Variants in TRA2A observed in about 807,000 individuals in gnomAD.
TRA2A encodes transformer 2 alpha homolog.
In TRA2A, 31 loss-of-function variants were observed where a neutral mutation model predicts 45.7. That is an observed-to-expected ratio of 0.68 (90% CI 0.51 to 0.92). TRA2A has a LOEUF of 0.92. Among genes scored for constraint, TRA2A ranks in the 40% least tolerant of loss-of-function variants. The probability of loss-of-function intolerance (pLI) is 0.00; values close to 1 mark genes in which losing one functional copy is unlikely to be tolerated. For synonymous variants in TRA2A, 132 were observed against 126.2 expected (o/e 1.05, Z -0.31); for missense variants, 304 against 367.5 (o/e 0.83, Z 1.41).
chr7:23,509,440 T>A (rs1384001895), intron 4 of TRA2A, among the ~76,000 whole-genome samples: 1 of 152,108 alleles, frequency 6.6e-6, no homozygotes. Flanking sequence ...AAAAAGATTT[T>A]AAAAATCACT....
chr7:23,528,484 G>A (rs886687843), intron 1 of TRA2A, among the ~76,000 whole-genome samples: 6 of 152,266 alleles, frequency 3.9e-5, no homozygotes, highest in African/African-American at 1.2e-4. Flanking sequence ...GGGATTACAG[G>A]CGTGAGCCAC....
chr7:23,521,721 T>G lies in TRA2A; in HGVS notation c.156A>C (p.Ser52=). The G allele has an allele frequency of 6.2e-7, 1 of 1,614,150 alleles. No individual in the cohort carries two copies. Among genetic ancestry groups the G allele is most frequent in the South Asian group, 1.1e-5 (1 of 91,082 alleles). Residue 52 remains serine (S), a synonymous_variant, in exon 2 of 8, where the codon TCA becomes TCC. Transcript: ENST00000297071. ...VSKHSESHSR[S]RSKSRSRSRR... ...AACACACTTACCTGGATTTTGATCT[T>G]GATCGAGAATGGGATTCAGAGTGTT...
At chr7:23,512,230 G>C (rs1789655947) in intron 4 of TRA2A, among the ~76,000 whole-genome samples, 2 of 152,202 alleles carry the variant, frequency 1.3e-5, no homozygotes, top group Admixed American at 1.3e-4. Flanking sequence ...GGCCATGTAT[G>C]ATGGCTCATG....
chr7:23,528,558 C>A (rs766277828), intron 1 of TRA2A, among the ~76,000 whole-genome samples: 27 of 152,070 alleles, frequency 1.8e-4, no homozygotes, highest in Non-Finnish European at 3.4e-4. Context: ...TAGTCATCAT[C>A]CCTATCATTC....
At chr7:23,519,361 C>T (rs1023104079) in intron 2 of TRA2A, among the ~76,000 whole-genome samples, 5 of 151,902 alleles carry the variant, frequency 3.3e-5, no homozygotes, top group African/African-American at 1.2e-4. Flanking sequence ...TCCAGCCTGG[C>T]GACAGAGTGA....
At position 23,517,477 on chromosome 7, in the gene TRA2A, C is replaced by CAAAAA. The variant is rs70954385; in HGVS notation, c.171-954_171-950dup. Among the ~76,000 whole-genome samples the CAAAAA allele has an allele frequency of 4.0e-3, 55 of 13,906 alleles. 4 individuals carry two copies. The highest frequency in any genetic ancestry group is 6.9e-3 in the African/African-American group (40 of 5,826). 9.1% of individuals were successfully genotyped at this position (13,906 alleles called of 152,430 possible). A position where few individuals can be genotyped will look rare whatever the true frequency, so the allele number is the denominator to read the frequency against. ...TGGGCGACAGAGCAAGACTACGTCT[C>CAAAAA]AAAAAAAAAAAAAAAAAAAAAAAAA... On this transcript the variant is annotated intron_variant, in intron 2 of 7. Coordinates refer to ENST00000297071, the MANE Select transcript of TRA2A (RefSeq NM_013293.5).
intron 1 of TRA2A, among the ~76,000 whole-genome samples, chr7:23,525,938 T>C (rs751421132): frequency 4.6e-5 from 7 of 152,122 alleles, no homozygotes; most frequent in Non-Finnish European, 7.3e-5. Context: ...GACCCTGCTG[T>C]TGGTTGAAGG....
At chr7:23,528,882 T>C (rs539787539) in intron 1 of TRA2A, among the ~76,000 whole-genome samples, 1 of 151,944 alleles carries the variant, frequency 6.6e-6, no homozygotes, top group Non-Finnish European at 1.5e-5. Flanking sequence ...CCAGAAGAAA[T>C]CCTGAAAAGG....
intron 1 of TRA2A, among the ~76,000 whole-genome samples, chr7:23,525,911 T>C (rs1232328726): frequency 1.3e-5 from 2 of 152,188 alleles, no homozygotes; most frequent in African/African-American, 4.8e-5. Context: ...GTTTAAACTA[T>C]TCTTTATTAT....
chr7:23,518,625 G>T (rs997927097), intron 2 of TRA2A, among the ~76,000 whole-genome samples: 1 of 150,460 alleles, frequency 6.6e-6, no homozygotes, highest in Non-Finnish European at 1.5e-5. Context: ...ACAGGCATGA[G>T]CCACCGTGCC....
At chr7:23,508,590 G>C (rs1235526887) in intron 4 of TRA2A, among the ~76,000 whole-genome samples, 1 of 152,180 alleles carries the variant, frequency 6.6e-6, no homozygotes, top group Non-Finnish European at 1.5e-5. Flanking sequence ...TGCCTCCCAG[G>C]TTCAAGTGAT....
rs1435428541 is a variant in TRA2A at position 23,505,372 on chromosome 7, A to T, written c.*187T>A. ...AACTGTTCAAAATGACAACAATTAC[A>T]TCTTTTAAGAGTATAATAAAATGGG... On this transcript the variant is annotated 3_prime_UTR_variant, in exon 8 of 8. Coordinates refer to ENST00000297071, the MANE Select transcript of TRA2A (RefSeq NM_013293.5). 2.3e-6 allele frequency: 1 copy of T among 441,360 alleles called. No individual in the cohort carries two copies. The highest frequency in any genetic ancestry group is 4.1e-6 in the Non-Finnish European group (1 of 246,498). The allele number at this position is 441,360 out of a possible 1,614,324, so 27.3% of individuals were successfully genotyped here. A position where few individuals can be genotyped will look rare whatever the true frequency, so the allele number is the denominator to read the frequency against.
intron 2 of TRA2A, among the ~76,000 whole-genome samples, chr7:23,520,665 C>T (rs994822522): frequency 2.0e-5 from 3 of 150,002 alleles, no homozygotes; most frequent in Non-Finnish European, 4.4e-5. Context: ...CGTAAGCTAA[C>T]TGGTCAGGCT....
chr7:23,512,749 C>T (rs569099101), intron 4 of TRA2A, 145 bp downstream of exon 4: 25 of 657,976 alleles, frequency 3.8e-5, no homozygotes, highest in Admixed American at 1.1e-4. Context: ...TGAGCCACCG[C>T]GCCTGGACGC....
intron 1 of TRA2A, chr7:23,531,507 A>C: frequency 3.7e-6 from 2 of 542,144 alleles, no homozygotes; most frequent in Non-Finnish European, 6.5e-6. Flanking sequence ...AGGAAGCCTC[A>C]GGGGTGGGGA....
intron 1 of TRA2A, among the ~76,000 whole-genome samples, chr7:23,530,829 G>T (rs1473579112): frequency 6.6e-6 from 1 of 151,854 alleles, no homozygotes; most frequent in Non-Finnish European, 1.5e-5. Context: ...TTAAGTTACA[G>T]AACAGTATAT....
At chr7:23,506,747 A>C (rs1179494828) in intron 5 of TRA2A, among the ~76,000 whole-genome samples, 1 of 152,076 alleles carries the variant, frequency 6.6e-6, no homozygotes, top group Non-Finnish European at 1.5e-5. Context: ...CCCAAGAAAT[A>C]CCTCTGTGAA....
In TRA2A at chr7:23,513,540, T is replaced by G. The variant is rs1397404337; in HGVS notation, c.337-458A>C. 4.6e-5 allele frequency among the ~76,000 whole-genome samples: 7 copies of G among 151,624 alleles called. No homozygotes were observed. In the South Asian group the frequency reaches 1.5e-3, roughly 32 times the overall value. The stretch of plus-strand genomic sequence containing the variant: ...GGCTGAGGCAGGAGAATCGCTTGAA[T>G]CCAGAAGGTGGAGGTTGCAGTGAGC... On this transcript the variant is annotated intron_variant, in intron 3 of 7. Transcript: ENST00000297071.
At chr7:23,518,219 C>T (rs1405085023) in intron 2 of TRA2A, among the ~76,000 whole-genome samples, 1 of 151,942 alleles carries the variant, frequency 6.6e-6, no homozygotes, top group African/African-American at 2.4e-5. Context: ...TGTGCCTGGC[C>T]CATAAAGTTC....
Sources: gnomAD v4.1 joint callset for allele counts (sites outside exome capture counted in the v4.1 genomes callset) on GRCh38, gnomAD v4.1.1 for gene constraint, MANE v1.5 for transcripts, NCBI Gene and HGNC (gene_info 2026-07-23, HGNC 2026-07-21) for gene names.